Variants in RBFOX1 observed in about 807,000 individuals in gnomAD.
The protein encoded by RBFOX1 is RNA binding fox-1 homolog 1.
In RBFOX1, 8 loss-of-function variants were observed where a neutral mutation model predicts 57.7. That is an observed-to-expected ratio of 0.14 (90% confidence interval 0.08 to 0.25). RBFOX1 has a LOEUF of 0.25. Among genes scored for constraint, RBFOX1 ranks in the 10% least tolerant of loss-of-function variants. The probability of loss-of-function intolerance (pLI) is 1.00; values close to 1 mark genes in which losing one functional copy is unlikely to be tolerated. For missense variants in RBFOX1, 611 were observed against 548.5 expected, an observed-to-expected ratio of 1.11 and a Z score of -1.14; for synonymous variants, 326 against 222.4, an observed-to-expected ratio of 1.47 and a Z score of -4.15.
In RBFOX1 at chr16:5,491,087, C is replaced by T. The variant is rs79571980; in HGVS notation, c.258+23833C>T. ...ATATATCAGGTTTCTGTACCTGCTT[C>T]ATTATAATCTTACGGGACCACCGTC... On this transcript the variant is annotated intron_variant, in intron 2 of 2. Coordinates refer to the RBFOX1 transcript ENST00000585867. Among the ~76,000 whole-genome samples the T allele has an allele frequency of 5.3e-5, 8 of 152,288 alleles. No homozygotes were observed. The East Asian group carries it at 1.5e-3, about 29-fold the overall frequency.
rs532558095 is a variant in RBFOX1, at chr16:5,749,523, C to G, written c.319-117780C>G. ...TACACCAATCAGATGTAGATTTGGTCTTTTCACATAGTCCCATATTTCTTG... is the reference window on the plus strand; with the variant it reads ...TACACCAATCAGATGTAGATTTGGTGTTTTCACATAGTCCCATATTTCTTG... On this transcript the variant is annotated intron_variant, in intron 3 of 19. Coordinates refer to the RBFOX1 transcript ENST00000641259. Among the ~76,000 whole-genome samples, 10 of 152,306 alleles carry G rather than the reference C, an allele frequency of 6.6e-5. No homozygotes were observed. In the South Asian group the frequency reaches 1.0e-3, roughly 16 times the overall value.
intron 3 of RBFOX1, among the ~76,000 whole-genome samples, chr16:6,868,932 A>C (rs986794434): frequency 4.6e-5 from 7 of 152,144 alleles, no homozygotes; most frequent in African/African-American, 1.7e-4. Context: ...CACATTTTCT[A>C]GCCCTTGCCT....
At chr16:5,468,618 A>G (rs368266125) in intron 2 of RBFOX1, among the ~76,000 whole-genome samples, 32 of 152,376 alleles carry the variant, frequency 2.1e-4, no homozygotes, top group Middle Eastern at 3.4e-3. Context: ...TCACAGTGAC[A>G]TTATTCATGG....
At chr16:6,947,679 A>G (rs1034861069) in intron 3 of RBFOX1, among the ~76,000 whole-genome samples, 2 of 152,356 alleles carry the variant, frequency 1.3e-5, no homozygotes, top group Admixed American at 1.3e-4. Context: ...TGGGAAAGCT[A>G]TATGACTTCT....
intron 3 of RBFOX1, among the ~76,000 whole-genome samples, chr16:5,852,253 C>T (rs1011791952): frequency 1.3e-5 from 2 of 152,192 alleles, no homozygotes; most frequent in South Asian, 2.1e-4. Flanking sequence ...CTCAAATGCC[C>T]TCCCTCCCTG....
At chr16:6,617,387 C>T (rs1410790427) in intron 2 of RBFOX1, among the ~76,000 whole-genome samples, 1 of 151,940 alleles carries the variant, frequency 6.6e-6, no homozygotes, top group Admixed American at 6.6e-5. Context: ...GCATGGATGT[C>T]CAGCTAGGAA....
At chr16:6,385,829 G>C (rs1451021309) in intron 2 of RBFOX1, among the ~76,000 whole-genome samples, 2 of 152,202 alleles carry the variant, frequency 1.3e-5, no homozygotes, top group African/African-American at 4.8e-5. Flanking sequence ...GTACCAGGGA[G>C]CTGAAATACT....
intron 4 of RBFOX1, among the ~76,000 whole-genome samples, chr16:7,090,727 G>A (rs1599197334): frequency 6.6e-6 from 1 of 152,186 alleles, no homozygotes; most frequent in South Asian, 2.1e-4. Context: ...CTTCCGGGCG[G>A]TTTTGATTCA....
At chr16:5,412,133 G>A (rs1405733790) in intron 1 of RBFOX1, among the ~76,000 whole-genome samples, 2 of 151,900 alleles carry the variant, frequency 1.3e-5, no homozygotes, top group Non-Finnish European at 2.9e-5. Context: ...TTTTTCTCTG[G>A]ACAGAGGTCA....
rs767931711 is a variant in RBFOX1 at position 6,997,166 on chromosome 16, A to T, written c.-15-54891A>T. On this transcript the variant is annotated intron_variant, in intron 3 of 15. Transcript: ENST00000550418. Reference sequence around the variant, plus strand: ...TGTCTTTTCTGTTAGCTGAAATTAAATAGAGAATTATCTTAGCATTTTCCC... The same window carrying T: ...TGTCTTTTCTGTTAGCTGAAATTAATTAGAGAATTATCTTAGCATTTTCCC... Among the ~76,000 whole-genome samples, 98 of 152,152 alleles carry T rather than the reference A, an allele frequency of 6.4e-4. 1 individual carries two copies. Among genetic ancestry groups the T allele is most frequent in the Non-Finnish European group, 4.4e-4 (30 of 68,010 alleles).
chr16:7,032,350 C>G (rs1006747508), intron 3 of RBFOX1, among the ~76,000 whole-genome samples: 3 of 151,970 alleles, frequency 2.0e-5, no homozygotes, highest in Admixed American at 2.0e-4. Context: ...GAGGCTGAGG[C>G]ACAAGAATTG....
chr16:7,218,377 C>CA (rs1171682535), intron 4 of RBFOX1, among the ~76,000 whole-genome samples: 4 of 151,990 alleles, frequency 2.6e-5, no homozygotes, highest in Non-Finnish European at 2.9e-5. Context: ...TCCTATGAGA[C>CA]AGAGTTAGAA....
intron 1 of RBFOX1, among the ~76,000 whole-genome samples, chr16:6,193,369 T>C (rs1393965149): frequency 2.7e-5 from 3 of 112,244 alleles, no homozygotes; most frequent in Non-Finnish European, 5.2e-5. Flanking sequence ...TATATATATA[T>C]ATATATACAT....
intron 2 of RBFOX1, among the ~76,000 whole-genome samples, chr16:6,423,324 C>A (rs979872883): frequency 1.3e-5 from 2 of 152,202 alleles, no homozygotes; most frequent in Non-Finnish European, 2.9e-5. Context: ...CCTGACCAGG[C>A]GTGGTGGCTC....
At chr16:5,923,472 C>T (rs772138345) in intron 4 of RBFOX1, among the ~76,000 whole-genome samples, 23 of 148,622 alleles carry the variant, frequency 1.5e-4, no homozygotes, top group Admixed American at 2.7e-4. Flanking sequence ...TGAAGGCTCA[C>T]GGAGAGCAGA....
chr16:5,647,772 C>T (rs976849393), intron 3 of RBFOX1, among the ~76,000 whole-genome samples: 2 of 152,170 alleles, frequency 1.3e-5, no homozygotes, highest in Admixed American at 6.5e-5. Context: ...TACAAGTTTC[C>T]CGGAACAGAT....
intron 1 of RBFOX1, among the ~76,000 whole-genome samples, chr16:6,204,338 T>A (rs1160778359): frequency 6.6e-6 from 1 of 152,194 alleles, no homozygotes; most frequent in Non-Finnish European, 1.5e-5. Flanking sequence ...GCAGCTTCTG[T>A]GACCACTCAT....
At chr16:6,876,923 G>A (rs2061955344) in intron 3 of RBFOX1, among the ~76,000 whole-genome samples, 1 of 152,154 alleles carries the variant, frequency 6.6e-6, no homozygotes, top group Admixed American at 6.5e-5. Flanking sequence ...ACACTATTCT[G>A]ACCTTTTTTC....
chr16:6,374,460 A>T (rs1157544992), intron 2 of RBFOX1, among the ~76,000 whole-genome samples: 1 of 152,174 alleles, frequency 6.6e-6, no homozygotes, highest in Non-Finnish European at 1.5e-5. Context: ...TGTGAACAGA[A>T]AGGAACTCTA....
Sources: allele counts gnomAD v4.1 joint callset (sites outside exome capture counted in the v4.1 genomes callset), GRCh38; gene constraint gnomAD v4.1.1; transcripts MANE v1.5; gene names NCBI Gene and HGNC (gene_info 2026-07-23, HGNC 2026-07-21).